Variants in BFSP1 observed in about 807,000 individuals in gnomAD.
BFSP1 encodes the protein beaded filament structural protein 1, also known as filensin.
Under a neutral mutation model 43.9 loss-of-function variants are expected in BFSP1, and 38 were observed. That is an observed-to-expected ratio of 0.87 (90% CI 0.67 to 1.14). The LOEUF (loss-of-function observed/expected upper bound fraction) is 1.14, where lower values mean the gene tolerates loss of function less well. BFSP1 is among the 50% of genes most tolerant of loss of function. The probability of loss-of-function intolerance (pLI) is 0.00; values close to 1 mark genes in which losing one functional copy is unlikely to be tolerated. For synonymous variants in BFSP1, 352 were observed against 354.8 expected (o/e 0.99, Z 0.09); for missense variants, 850 against 875.1 (o/e 0.97, Z 0.36).
intron 5 of BFSP1, among the ~76,000 whole-genome samples, chr20:17,505,969 A>G (rs2033927839): frequency 6.6e-6 from 1 of 152,248 alleles, no homozygotes; most frequent in South Asian, 2.1e-4. Flanking sequence ...TTGCAGATAT[A>G]ATTAAAGTTC....
chr20:17,500,441 C>T (rs2033769061), intron 5 of BFSP1, among the ~76,000 whole-genome samples: 1 of 152,182 alleles, frequency 6.6e-6, no homozygotes, highest in Admixed American at 6.5e-5. Context: ...CAACCGCAGC[C>T]ATCCTAGGGC....
intron 2 of BFSP1, among the ~76,000 whole-genome samples, chr20:17,524,366 TG>T (rs1174373674): frequency 6.6e-6 from 1 of 152,168 alleles, no homozygotes; most frequent in Non-Finnish European, 1.5e-5. Flanking sequence ...GCATCTCCCC[TG>T]GGGCTATTGG....
At chr20:17,557,118 G>C (rs35198546) in intron 1 of BFSP1, among the ~76,000 whole-genome samples, 45,758 of 152,008 alleles carry the variant, frequency 0.3, 7,255 homozygotes, top group Non-Finnish European at 0.34. Context: ...GGTGGGGAGA[G>C]CTCCCTCCTG....
At chr20:17,561,295 G>A (rs1336650170), upstream of BFSP1, among the ~76,000 whole-genome samples, 1 of 152,140 alleles carries the variant, frequency 6.6e-6, no homozygotes, top group Admixed American at 6.5e-5. Flanking sequence ...TGAGGAGATG[G>A]AGGCCATCCT....
chr20:17,496,541 C>A (rs1249633017), intron 7 of BFSP1, among the ~76,000 whole-genome samples: 5 of 152,042 alleles, frequency 3.3e-5, no homozygotes, highest in Non-Finnish European at 5.9e-5. Context: ...TGTGGGGAGG[C>A]GGTGGGATGT....
At chr20:17,501,523 C>T (rs112425124) in intron 5 of BFSP1, among the ~76,000 whole-genome samples, 91 of 73,736 alleles carry the variant, frequency 1.2e-3, no homozygotes, top group African/African-American at 5.6e-3. Flanking sequence ...GCCACTGCAC[C>T]CCAGACTGGG....
intron 2 of BFSP1, among the ~76,000 whole-genome samples, chr20:17,522,038 G>A (rs1227054778): frequency 6.6e-6 from 1 of 152,158 alleles, no homozygotes; most frequent in Non-Finnish European, 1.5e-5. Context: ...CAGTGATCAG[G>A]GTGTTCAGCG....
Position 17,494,249 on chromosome 20 carries a change from A to C in BFSP1, c.1823T>G (p.Leu608Arg). 2 of 1,614,176 alleles carry C rather than the reference A, an allele frequency of 1.2e-6. No homozygotes were observed. The highest frequency in any genetic ancestry group is 1.6e-4 in the Middle Eastern group (1 of 6,062). ...AEVLGTRSRS[L>R]PEKGPPKALA... is the part of the protein sequence containing the mutation. ...AGCCTTGGGAGGGCCTTTTTCTGGC[A>C]GGCTTCTGCTCCTAGTCCCAAGCAC... The change falls in exon 8 of 8, where the codon CTG becomes CGG. Residue 608 changes from leucine to arginine, a missense_variant. Coordinates refer to ENST00000377873, the MANE Select transcript of BFSP1 (RefSeq NM_001195.5).
chr20:17,541,217 A>G (rs2034711682), intron 1 of BFSP1: 1 of 964,672 alleles, frequency 1.0e-6, no homozygotes, highest in South Asian at 4.8e-5. Context: ...AAAAATAATA[A>G]TTAGTGAATA....
intron 1 of BFSP1, among the ~76,000 whole-genome samples, chr20:17,557,636 A>C (rs1256177049): frequency 6.6e-6 from 1 of 152,174 alleles, no homozygotes; most frequent in Non-Finnish European, 1.5e-5. Flanking sequence ...TGGGACCTTC[A>C]TGCGCCTAAC....
At chr20:17,535,946 A>AT (rs886932328), upstream of BFSP1, among the ~76,000 whole-genome samples, 2 of 152,004 alleles carry the variant, frequency 1.3e-5, no homozygotes, top group African/African-American at 4.8e-5. Context: ...TTATTTATGT[A>AT]TTTATTTTTT....
chr20:17,508,891 G>A lies in BFSP1; in HGVS notation c.733C>T (p.Gln245Ter), dbSNP rs1365310074. 3 of 1,590,064 alleles carry A rather than the reference G, an allele frequency of 1.9e-6. No homozygotes were observed. Among genetic ancestry groups the A allele is most frequent in the Non-Finnish European group, 2.6e-6 (3 of 1,169,674 alleles). Residue 245 changes from glutamine to a stop codon, truncating the protein, a stop_gained and splice_region_variant, in exon 5 of 8, where the codon CAG becomes TAG. Coordinates refer to ENST00000377873, the MANE Select transcript of BFSP1 (RefSeq NM_001195.5). LOFTEE classifies it high-confidence loss of function. ...LQAQRVELQA[Q>*]TTTLEQAIKS... ...ACACGCGGCAGACTCGAGCGTACCT[G>A]TGCCTGCAGCTCCACTCTCTGCGCC...
chr20:17,497,459 T>TATACACAC (rs1555800560), intron 6 of BFSP1, among the ~76,000 whole-genome samples: 54 of 144,952 alleles, frequency 3.7e-4, no homozygotes, highest in South Asian at 2.8e-3. Context: ...TATATATATA[T>TATACACAC]ACACACACAC....
intron 1 of BFSP1, among the ~76,000 whole-genome samples, chr20:17,540,067 A>G (rs1334753360): frequency 1.3e-5 from 2 of 152,238 alleles, no homozygotes; most frequent in Admixed American, 1.3e-4. Flanking sequence ...CCTAAACTCC[A>G]CATGAAGTTT....
At chr20:17,562,397 C>T (rs542378931), upstream of BFSP1, among the ~76,000 whole-genome samples, 87 of 151,652 alleles carry the variant, frequency 5.7e-4, no homozygotes, top group East Asian at 5.9e-4. Context: ...CGTGGTGGCA[C>T]GCACCTGTAA....
At chr20:17,497,501 CGT>C (rs1568679309) in intron 6 of BFSP1, among the ~76,000 whole-genome samples, 2 of 137,728 alleles carry the variant, frequency 1.5e-5, no homozygotes, top group Non-Finnish European at 3.1e-5. Flanking sequence ...TATATATACA[CGT>C]ATATATACGT....
At chr20:17,519,178 G>A (rs1029194606) in intron 2 of BFSP1, among the ~76,000 whole-genome samples, 3 of 152,196 alleles carry the variant, frequency 2.0e-5, no homozygotes, top group African/African-American at 7.2e-5. Flanking sequence ...ACTGGAAACA[G>A]GGCTTCAAGG....
chr20:17,565,172 G>A lies in BFSP1; in HGVS notation n.51-2077C>T, dbSNP rs185748998. 2.6e-5 allele frequency among the ~76,000 whole-genome samples: 4 copies of A among 152,190 alleles called. No homozygotes were observed. The East Asian group carries it at 7.7e-4, about 29-fold the overall frequency. On this transcript the variant is annotated intron_variant and non_coding_transcript_variant, in intron 1 of 6. Transcript: ENST00000473415. ...GATTTTTTTCACTATAGTTTTGCCT[G>A]TTCTAAAATTCCTCAAACTTTGAAT...
chr20:17,536,696 A>G (rs1404265633), intron 1 of BFSP1, among the ~76,000 whole-genome samples: 1 of 152,162 alleles, frequency 6.6e-6, no homozygotes, highest in Non-Finnish European at 1.5e-5. Flanking sequence ...CATCCCTTTC[A>G]GTTGAGATAC....
Sources: allele counts gnomAD v4.1 joint callset (sites outside exome capture counted in the v4.1 genomes callset), GRCh38; gene constraint gnomAD v4.1.1; transcripts MANE v1.5; gene names NCBI Gene and HGNC (gene_info 2026-07-23, HGNC 2026-07-21).